PDE2A: variants seen among roughly 807,000 people sequenced by gnomAD.
The protein encoded by PDE2A is phosphodiesterase 2A, also known as cGMP-dependent 3',5'-cyclic phosphodiesterase.
PDE2A carries 53 observed loss-of-function variants against 133.6 expected under a neutral mutation model. The ratio of observed to expected loss-of-function variants is 0.40; its 90% CI spans 0.32 to 0.50. PDE2A has a LOEUF of 0.50. PDE2A is among the 20% of genes least tolerant of loss of function. PDE2A has a pLI of 0.73. For synonymous variants in PDE2A, 491 were observed against 490.2 expected, an observed-to-expected ratio of 1.00 and a Z score of -0.02; for missense variants, 796 against 1,232.4, an observed-to-expected ratio of 0.65 and a Z score of 5.30.
At chr11:72,631,258 GC>G in intron 2 of PDE2A, 3 of 710,516 alleles carry the variant, frequency 4.2e-6, no homozygotes, top group Non-Finnish European at 7.0e-6. Context: ...AGGGAGCCTT[GC>G]CTGCTTGCAC....
intron 2 of PDE2A, among the ~76,000 whole-genome samples, chr11:72,612,333 C>T (rs114913796): frequency 0.01 from 1,521 of 150,846 alleles, 23 homozygotes; most frequent in African/African-American, 0.036. Context: ...AACTCAGGCT[C>T]GGGATGGGGT....
intron 6 of PDE2A, among the ~76,000 whole-genome samples, chr11:72,593,200 C>CACACAT (rs59853713): frequency 5.9e-5 from 9 of 151,616 alleles, no homozygotes; most frequent in Admixed American, 2.0e-4. Flanking sequence ...CACACACACA[C>CACACAT]GGTGCAGTCA....
Position 72,596,657 on chromosome 11 carries a change from G to T in PDE2A, c.434-9C>A. The T allele has an allele frequency of 6.9e-7, 1 of 1,450,742 alleles. No individual in the cohort carries two copies. Among genetic ancestry groups the T allele is most frequent in the African/African-American group, 1.4e-5 (1 of 69,436 alleles). 89.9% of individuals were successfully genotyped at this position (1,450,742 alleles called of 1,614,324 possible). On this transcript the variant is annotated splice_polypyrimidine_tract_variant and intron_variant, in intron 5 of 30. Transcript: ENST00000334456. The stretch of plus-strand genomic sequence containing the variant: ...TAGCGGCATGACCAGCACTGAGGGG[G>T]AGAGGGCAATGAGGTGCTCCTGCAG...
intron 2 of PDE2A, among the ~76,000 whole-genome samples, 196 bp from the exon 3 acceptor site, chr11:72,608,947 G>C (rs985848632): frequency 6.6e-6 from 1 of 152,234 alleles, no homozygotes; most frequent in Non-Finnish European, 1.5e-5. Flanking sequence ...TCATCTTACA[G>C]GTGGGGAAAC....
chr11:72,580,440 A>T, intron 25 of PDE2A, 137 bp downstream of exon 25: 1 of 712,486 alleles, frequency 1.4e-6, no homozygotes, highest in Non-Finnish European at 2.6e-6. Context: ...AATGAGCCAG[A>T]CATGTCCTAG....
intron 1 of PDE2A, among the ~76,000 whole-genome samples, chr11:72,666,864 G>C (rs1024269514): frequency 6.6e-6 from 1 of 152,182 alleles, no homozygotes; most frequent in Non-Finnish European, 1.5e-5. Context: ...CCAGTACTTT[G>C]GGAGGCCAAG....
intron 1 of PDE2A, among the ~76,000 whole-genome samples, chr11:72,653,162 G>T (rs992488097): frequency 3.3e-5 from 5 of 152,188 alleles, no homozygotes; most frequent in Admixed American, 1.3e-4. Flanking sequence ...CAAGAGAGAG[G>T]GAGGGTGGAC....
chr11:72,588,722 G>C, intron 13 of PDE2A, 62 bp downstream of exon 13: 1 of 1,518,808 alleles, frequency 6.6e-7, no homozygotes, highest in South Asian at 1.3e-5. Context: ...TGTTACCCTC[G>C]TGGAGCCCTA....
chr11:72,603,465 G>A (rs1414453574), intron 4 of PDE2A, among the ~76,000 whole-genome samples: 1 of 152,154 alleles, frequency 6.6e-6, no homozygotes, highest in Middle Eastern at 3.2e-3. Flanking sequence ...GTCCTAGGGA[G>A]TGAAGCAAAC....
At chr11:72,640,584 C>T (rs1035658355) in intron 2 of PDE2A, among the ~76,000 whole-genome samples, 5 of 152,110 alleles carry the variant, frequency 3.3e-5, no homozygotes, top group Admixed American at 3.3e-4. Flanking sequence ...CCAAGCAATC[C>T]CAGGATGTGC....
chr11:72,578,536 C>T lies in PDE2A; in HGVS notation c.2470-22G>A, dbSNP rs1488999779. 2 of 1,603,818 alleles carry T rather than the reference C, an allele frequency of 1.2e-6. No homozygotes were observed. Among genetic ancestry groups the T allele is most frequent in the Admixed American group, 3.3e-5 (2 of 60,016 alleles). ...GCTCCTGAAAGGCCAACACTCTCAT[C>T]ACATCCTCTATGTAGGATACATCCA... On this transcript the variant is annotated intron_variant, in intron 28 of 30. Transcript: ENST00000334456. The surrounding 1 kb of genome is among the most constrained non-coding windows in gnomAD (Gnocchi z 4.2).
intron 4 of PDE2A, among the ~76,000 whole-genome samples, 166 bp downstream of exon 4, chr11:72,604,972 C>T (rs1426436492): frequency 1.3e-5 from 2 of 152,242 alleles, no homozygotes; most frequent in Non-Finnish European, 1.5e-5. Flanking sequence ...ATTGCTTCTG[C>T]CCTTCTGTGC....
At chr11:72,620,246 CAG>C (rs564451889) in intron 2 of PDE2A, among the ~76,000 whole-genome samples, 120 of 152,278 alleles carry the variant, frequency 7.9e-4, no homozygotes, top group African/African-American at 2.8e-3. Context: ...AGATGAGACT[CAG>C]AGGACACTTA....
In PDE2A at chr11:72,590,142, C is replaced by A. The variant is rs1856170047; in HGVS notation, c.756+50G>T. The A allele has an allele frequency of 6.6e-7, 1 of 1,516,350 alleles. No homozygotes were observed. The highest frequency in any genetic ancestry group is 1.2e-5 in the South Asian group (1 of 82,540). 93.9% of individuals were successfully genotyped at this position (1,516,350 alleles called of 1,614,324 possible). A position where few individuals can be genotyped will look rare whatever the true frequency, so the allele number is the denominator to read the frequency against. On this transcript the variant is annotated intron_variant, in intron 9 of 30. Transcript: ENST00000334456. The surrounding 1 kb of genome is among the most constrained non-coding windows in gnomAD (Gnocchi z 4.8). ...GGAGGGCTCAAGGGGAAGTTGGTCC[C>A]CGGAGGGAGACAGGACGGGGAGGTG...
chr11:72,674,234 C>A lies in PDE2A; in HGVS notation c.-27G>T. 6.3e-7 allele frequency: 1 copy of A among 1,599,820 alleles called. No individual in the cohort carries two copies. The highest frequency in any genetic ancestry group is 8.5e-7 in the Non-Finnish European group (1 of 1,176,456). ...ACTCCTCATCGTCCGCCTCCCCAGC[C>A]AGACTAAGGTGGCACCTCGCCCTGT... is the stretch of plus-strand genomic sequence containing the variant. On this transcript the variant is annotated 5_prime_UTR_variant, in exon 1 of 31. Coordinates refer to ENST00000334456, the MANE Select transcript of PDE2A (RefSeq NM_002599.5).
chr11:72,630,573 G>A (rs978993144), intron 2 of PDE2A, among the ~76,000 whole-genome samples: 2 of 151,558 alleles, frequency 1.3e-5, no homozygotes, highest in African/African-American at 4.9e-5. Flanking sequence ...GGGTTGTGGA[G>A]GGGGCATGGG....
chr11:72,638,484 T>G (rs1195894945), intron 2 of PDE2A, among the ~76,000 whole-genome samples: 1 of 151,840 alleles, frequency 6.6e-6, no homozygotes, highest in African/African-American at 2.4e-5. Context: ...CACCAGAGGG[T>G]GCACATGCGG....
At chr11:72,630,599 G>A (rs61895573) in intron 2 of PDE2A, among the ~76,000 whole-genome samples, 2 of 151,932 alleles carry the variant, frequency 1.3e-5, no homozygotes, top group African/African-American at 4.8e-5. Flanking sequence ...GGAGCATGGA[G>A]GATTCTGGGG....
intron 12 of PDE2A, 96 bp from the exon 13 acceptor site, chr11:72,589,010 G>T: frequency 7.2e-7 from 1 of 1,379,880 alleles, no homozygotes; most frequent in South Asian, 1.3e-5. Flanking sequence ...AGTTCTAAGG[G>T]ACTCATGCAA....
Sources: allele counts gnomAD v4.1 joint callset (sites outside exome capture counted in the v4.1 genomes callset), GRCh38; gene constraint gnomAD v4.1.1; non-coding constraint Gnocchi (gnomAD v3.1); transcripts MANE v1.5; gene names NCBI Gene and HGNC (gene_info 2026-07-23, HGNC 2026-07-21).